Variants in USP46 observed in about 807,000 individuals in gnomAD.
USP46 encodes ubiquitin carboxyl-terminal hydrolase 46.
Under a neutral mutation model 44.4 loss-of-function variants are expected in USP46, and 12 were observed. That is an observed-to-expected ratio of 0.27 (90% CI 0.17 to 0.44). The LOEUF is 0.44. USP46 is among the 20% of genes least tolerant of loss of function. The pLI is 1.00. For missense variants in USP46, 248 were observed against 444.8 expected (o/e 0.56, Z 3.98); for synonymous variants, 155 against 161.5 (o/e 0.96, Z 0.31).
chr4:52,622,309 G>A (rs536678981), intron 4 of USP46, among the ~76,000 whole-genome samples: 87 of 151,988 alleles, frequency 5.7e-4, no homozygotes, highest in African/African-American at 1.7e-3. Flanking sequence ...ATAAACATAC[G>A]TTATACACAC....
rs1577647250 is a variant in USP46, at chr4:52,591,065, C to A, written c.*6575G>T. On this transcript the variant is annotated 3_prime_UTR_variant, in exon 9 of 9. Transcript: ENST00000441222. Reference sequence around the variant, plus strand: ...CCCATTAAAACAGTATCTTTCTAATCCCCTCAGAGTGGAAAACAGGTAATT... The same window carrying A: ...CCCATTAAAACAGTATCTTTCTAATACCCTCAGAGTGGAAAACAGGTAATT... 6.6e-6 allele frequency: 1 copy of A among 152,152 alleles called. No homozygotes were observed. Among genetic ancestry groups the A allele is most frequent in the Non-Finnish European group, 1.5e-5 (1 of 68,026 alleles). The allele number at this position is 152,152 out of a possible 1,614,324, so 9.4% of individuals were successfully genotyped here.
chr4:52,636,587 T>C (rs1357126537), intron 1 of USP46, among the ~76,000 whole-genome samples: 1 of 150,366 alleles, frequency 6.7e-6, no homozygotes, highest in Non-Finnish European at 1.5e-5. Flanking sequence ...GCACCTGTAG[T>C]CCCAGCTACT....
chr4:52,629,949 C>A (rs1717752056), intron 2 of USP46, among the ~76,000 whole-genome samples: 1 of 152,208 alleles, frequency 6.6e-6, no homozygotes, highest in Non-Finnish European at 1.5e-5. Context: ...CCTATTATAT[C>A]ATGGGCAGCA....
intron 4 of USP46, among the ~76,000 whole-genome samples, chr4:52,615,313 C>G (rs969063128): frequency 6.6e-6 from 1 of 151,984 alleles, no homozygotes; most frequent in South Asian, 2.1e-4. Flanking sequence ...TATAAAGACA[C>G]AGGTTGAAAG....
At position 52,598,634 on chromosome 4, in the gene USP46, A is replaced by G. The variant is rs747690016; in HGVS notation, c.993T>C (p.Ile331=). Residue 331 remains isoleucine (I), a synonymous_variant, in exon 8 of 9, where the codon ATT becomes ATC. Transcript: ENST00000441222. ...GAATAATCTGCAAACCAACCTCTAC[A>G]ATGTCATCATCAAACAAAAGCCAGA... ...HGFWLLFDDD[I]VEKIDAQAIE... The G allele has an allele frequency of 2.4e-5, 39 of 1,609,552 alleles. No homozygotes were observed. In the East Asian group the frequency reaches 5.4e-4, roughly 22 times the overall value.
At chr4:52,601,749 C>T in intron 7 of USP46, 108 bp downstream of exon 7, 1 of 1,201,330 alleles carries the variant, frequency 8.3e-7, no homozygotes, top group East Asian at 2.7e-5. Context: ...GGCAGAGATC[C>T]CAAAACTATT....
rs553460550 is a variant in USP46 at position 52,659,227 on chromosome 4, C to T, written c.-77G>A. 6.4e-5 allele frequency: 80 copies of T among 1,255,726 alleles called. 1 individual carries two copies. The African/African-American group carries it at 1.2e-3, about 18-fold the overall frequency. The allele number at this position is 1,255,726 out of a possible 1,614,324, so 77.8% of individuals were successfully genotyped here. On this transcript the variant is annotated 5_prime_UTR_variant, in exon 1 of 9. Coordinates refer to ENST00000441222, the MANE Select transcript of USP46 (RefSeq NM_022832.4). This position sits in a 1 kb window ranked among gnomAD's most constrained non-coding sequence, Gnocchi z 4.2. ...GGGACTGCCCATGGTGGCGCGCTGG[C>T]GGGGAGGCCGGGCGGCAGCGCGGCG...
At chr4:52,628,456 G>C (rs535015107) in intron 2 of USP46, 3 of 273,780 alleles carry the variant, frequency 1.1e-5, no homozygotes, top group Non-Finnish European at 2.1e-5. Flanking sequence ...AGACCTGCTG[G>C]TGCTTAAAAA....
At chr4:52,610,072 C>T (rs544786507) in intron 5 of USP46, among the ~76,000 whole-genome samples, 22 of 148,422 alleles carry the variant, frequency 1.5e-4, no homozygotes, top group African/African-American at 4.0e-4. Context: ...ACTACAGGCG[C>T]GCGCCACCAT....
At chr4:52,656,526 C>T (rs1228658843) in intron 1 of USP46, 9 of 1,416,004 alleles carry the variant, frequency 6.4e-6, no homozygotes, top group Non-Finnish European at 8.3e-6. Context: ...TTAGTGGTTG[C>T]TTCCACCAGG....
intron 1 of USP46, chr4:52,658,387 C>T (rs1267847010): frequency 7.3e-6 from 3 of 410,254 alleles, no homozygotes; most frequent in African/African-American, 4.1e-5. Context: ...TGTATCCATG[C>T]CCGCCAGCCT....
chr4:52,610,538 T>C lies in USP46; in HGVS notation c.638+3A>G. 6.2e-7 allele frequency: 1 copy of C among 1,613,280 alleles called. No homozygotes were observed. The highest frequency in any genetic ancestry group is 2.2e-5 in the East Asian group (1 of 44,868). ...AGCTCAAACTGCCTCAGAGTTCATA[T>C]ACCTTAGACAGTGGGTAATGGATGT... On this transcript the variant is annotated splice_donor_region_variant and intron_variant, in intron 5 of 8. Coordinates refer to ENST00000441222, the MANE Select transcript of USP46 (RefSeq NM_022832.4).
intron 1 of USP46, among the ~76,000 whole-genome samples, chr4:52,643,472 C>T (rs949733366): frequency 6.6e-6 from 1 of 152,182 alleles, no homozygotes; most frequent in African/African-American, 2.4e-5. Flanking sequence ...AGCAGAATTG[C>T]GTAGCTGTGA....
At chr4:52,607,744 G>C (rs1188408831) in intron 5 of USP46, among the ~76,000 whole-genome samples, 1 of 152,102 alleles carries the variant, frequency 6.6e-6, no homozygotes, top group Non-Finnish European at 1.5e-5. Flanking sequence ...CCGTTTAAAA[G>C]TGTTTAGCCC....
At chr4:52,628,381 C>T (rs1441464648) in intron 2 of USP46, 1 of 509,230 alleles carries the variant, frequency 2.0e-6, no homozygotes, top group East Asian at 3.0e-5. Flanking sequence ...CATTCCGGTG[C>T]TTCTCTAGCC....
chr4:52,632,992 A>AG (rs1410521250), intron 1 of USP46, among the ~76,000 whole-genome samples: 69 of 108,244 alleles, frequency 6.4e-4, no homozygotes, highest in African/African-American at 2.8e-3. Flanking sequence ...AAGAAAAGAA[A>AG]AGAAAGAAAG....
chr4:52,630,100 C>A (rs987191998), intron 2 of USP46, among the ~76,000 whole-genome samples: 1 of 152,216 alleles, frequency 6.6e-6, no homozygotes, highest in Non-Finnish European at 1.5e-5. Flanking sequence ...TTAACACCTA[C>A]ATCCCAGAGA....
intron 5 of USP46, among the ~76,000 whole-genome samples, chr4:52,607,220 A>C (rs1199192378): frequency 6.6e-6 from 1 of 152,234 alleles, no homozygotes; most frequent in Non-Finnish European, 1.5e-5. Flanking sequence ...TTTTACAAAG[A>C]AGCTTGCTGA....
chr4:52,628,296 A>G lies in USP46; in HGVS notation c.118-133T>C, dbSNP rs1717675516. On this transcript the variant is annotated intron_variant, in intron 2 of 8. Coordinates refer to ENST00000441222, the MANE Select transcript of USP46 (RefSeq NM_022832.4). ...TCCCTGTATTGGAGTCCAGCTCACC[A>G]TATTAGAAAACTAGTTAACTACTCT... The G allele has an allele frequency of 1.8e-5, 14 of 793,758 alleles. No homozygotes were observed. The East Asian group carries it at 3.8e-4, about 21-fold the overall frequency. 49.2% of individuals were successfully genotyped at this position (793,758 alleles called of 1,614,324 possible).
Sources: allele counts gnomAD v4.1 joint callset (sites outside exome capture counted in the v4.1 genomes callset), GRCh38; gene constraint gnomAD v4.1.1; non-coding constraint Gnocchi (gnomAD v3.1); transcripts MANE v1.5; gene names NCBI Gene and HGNC (gene_info 2026-07-23, HGNC 2026-07-21).